DSCAM: variants seen among roughly 807,000 people sequenced by gnomAD.
The protein encoded by DSCAM is DS cell adhesion molecule, also known as cell adhesion molecule DSCAM.
A neutral mutation model predicts 217.7 loss-of-function variants in DSCAM; 47 were observed. The observed-to-expected ratio is 0.22, with a 90% CI of 0.17 to 0.28. DSCAM has a LOEUF of 0.28. DSCAM is among the 10% of genes least tolerant of loss of function. The pLI is 1.00. For missense variants in DSCAM, 2,080 were observed against 2,618.3 expected (o/e 0.79, Z 4.49); for synonymous variants, 1,056 against 1,015.3 (o/e 1.04, Z -0.76).
chr21:40,093,758 G>A lies in DSCAM; in HGVS notation c.3813C>T (p.Asn1271=), dbSNP rs2089640558. The stretch of plus-strand genomic sequence containing the variant: ...GCTCGACTGTGATGATTTCACTGCT[G>A]TTGCCTCTTCCGGCTGAAGTAACAG... ...VVAVTSAGRG[N]SSEIITVEPL... Residue 1271 remains asparagine, a synonymous_variant, in exon 21 of 33, where the codon AAC becomes AAT. Coordinates refer to ENST00000400454, the MANE Select transcript of DSCAM (RefSeq NM_001389.5). The A allele has an allele frequency of 1.2e-6, 2 of 1,613,886 alleles. No individual in the cohort carries two copies. The highest frequency in any genetic ancestry group is 1.7e-6 in the Non-Finnish European group (2 of 1,179,954).
intron 3 of DSCAM, chr21:40,383,655 A>G (rs1202828077): frequency 6.6e-6 from 1 of 152,110 alleles, no homozygotes; most frequent in Non-Finnish European, 1.5e-5. Flanking sequence ...TTTTTAGACA[A>G]AGGAAAAGTA....
intron 11 of DSCAM, among the ~76,000 whole-genome samples, chr21:40,226,872 T>C (rs968545858): frequency 6.6e-6 from 1 of 152,196 alleles, no homozygotes; most frequent in African/African-American, 2.4e-5. Flanking sequence ...TACCCGTTAG[T>C]TACTTTTCCT....
In DSCAM at chr21:40,689,920, G is replaced by A. The variant is rs931192127; in HGVS notation, c.508+2890C>T. 3.3e-5 allele frequency among the ~76,000 whole-genome samples: 5 copies of A among 152,182 alleles called. 1 individual carries two copies. The highest frequency in any genetic ancestry group is 4.4e-5 in the Non-Finnish European group (3 of 68,032). ...TGGGACTTCTGTGCTATGCAAGGTC[G>A]TTCCCTGAAGCCAAGAATCCCAGTG... On this transcript the variant is annotated intron_variant, in intron 3 of 32. Coordinates refer to ENST00000400454, the MANE Select transcript of DSCAM (RefSeq NM_001389.5).
chr21:40,495,182 C>T (rs1002287937), intron 3 of DSCAM, among the ~76,000 whole-genome samples: 11 of 152,046 alleles, frequency 7.2e-5, no homozygotes, highest in African/African-American at 2.4e-4. Flanking sequence ...TAATCTTCCC[C>T]AAATTATTTT....
intron 3 of DSCAM, among the ~76,000 whole-genome samples, chr21:40,526,524 G>A (rs1369933589): frequency 3.3e-5 from 5 of 152,148 alleles, no homozygotes; most frequent in African/African-American, 1.2e-4. Context: ...TAGAAGACAA[G>A]GACATCTGCC....
intron 15 of DSCAM, among the ~76,000 whole-genome samples, chr21:40,175,776 C>CACAA (rs2090718495): frequency 2.4e-5 from 1 of 41,674 alleles, no homozygotes; most frequent in Non-Finnish European, 4.5e-5. Flanking sequence ...TCTCAACACA[C>CACAA]ACATACACAC....
intron 3 of DSCAM, among the ~76,000 whole-genome samples, chr21:40,515,755 G>A (rs143485505): frequency 4.1e-4 from 62 of 152,182 alleles, no homozygotes; most frequent in Non-Finnish European, 7.4e-4. Flanking sequence ...CAGCGCACTC[G>A]TAGGCAATGT....
At chr21:40,053,894 G>T (rs548588581) in intron 29 of DSCAM, among the ~76,000 whole-genome samples, 1 of 152,310 alleles carries the variant, frequency 6.6e-6, no homozygotes, top group Non-Finnish European at 1.5e-5. Flanking sequence ...TAGGATTATT[G>T]TCTAGTGAGA....
At chr21:40,516,722 G>A (rs1381487527) in intron 3 of DSCAM, among the ~76,000 whole-genome samples, 2 of 152,120 alleles carry the variant, frequency 1.3e-5, no homozygotes, top group East Asian at 3.9e-4. Context: ...ACAAGTGCCA[G>A]GGAGAACATT....
At chr21:40,381,000 C>T (rs922161813) in intron 3 of DSCAM, among the ~76,000 whole-genome samples, 33 of 141,174 alleles carry the variant, frequency 2.3e-4, no homozygotes, top group African/African-American at 3.6e-4. Flanking sequence ...GAGGCGGAGC[C>T]TGCAGTGAGC....
chr21:40,481,728 AAAC>A (rs1201867679), intron 3 of DSCAM, among the ~76,000 whole-genome samples: 1 of 152,122 alleles, frequency 6.6e-6, no homozygotes, highest in Admixed American at 6.5e-5. Context: ...TCAACTGTGG[AAAC>A]AACAAATGAT....
intron 3 of DSCAM, among the ~76,000 whole-genome samples, chr21:40,471,968 G>A (rs59270837): frequency 0.025 from 3,784 of 152,024 alleles, 71 homozygotes; most frequent in Middle Eastern, 0.031. Context: ...AACAGGCCCC[G>A]GTGTGTGATG....
intron 32 of DSCAM, among the ~76,000 whole-genome samples, chr21:40,018,001 C>T (rs2088194968): frequency 6.7e-6 from 1 of 148,220 alleles, no homozygotes; most frequent in South Asian, 2.2e-4. Flanking sequence ...TCAGGAATCT[C>T]TTGCCATATA....
At chr21:40,613,061 G>A (rs1017780833) in intron 3 of DSCAM, among the ~76,000 whole-genome samples, 8 of 152,178 alleles carry the variant, frequency 5.3e-5, no homozygotes, top group African/African-American at 7.2e-5. Context: ...CAGATGGTGT[G>A]TAGTATGTGA....
chr21:40,802,805 C>A (rs563781776), intron 1 of DSCAM, among the ~76,000 whole-genome samples: 1 of 152,348 alleles, frequency 6.6e-6, no homozygotes, highest in Admixed American at 6.5e-5. Context: ...TGACCTTGGA[C>A]TTGTTAGCCT....
At chr21:40,111,383 C>A (rs1025686304) in intron 20 of DSCAM, among the ~76,000 whole-genome samples, 2 of 151,816 alleles carry the variant, frequency 1.3e-5, no homozygotes, top group African/African-American at 2.4e-5. Context: ...TTTGTCACCA[C>A]CAGGCCGGCC....
At chr21:40,355,153 T>G (rs971164931) in intron 4 of DSCAM, among the ~76,000 whole-genome samples, 1 of 152,008 alleles carries the variant, frequency 6.6e-6, no homozygotes, top group African/African-American at 2.4e-5. Flanking sequence ...TAAGTGTAGT[T>G]AAAGAAAGAA....
intron 16 of DSCAM, among the ~76,000 whole-genome samples, chr21:40,158,367 C>T (rs963488298): frequency 2.0e-5 from 3 of 151,864 alleles, no homozygotes; most frequent in Non-Finnish European, 4.4e-5. Flanking sequence ...TGCATTCAGC[C>T]TGGGTGGTAG....
At chr21:40,071,808 C>T (rs764603081) in intron 27 of DSCAM, among the ~76,000 whole-genome samples, 37 of 152,194 alleles carry the variant, frequency 2.4e-4, no homozygotes, top group Non-Finnish European at 1.6e-4. Flanking sequence ...TTGGGTGATT[C>T]GACTAATGCA....
Sources: allele counts gnomAD v4.1 joint callset (sites outside exome capture counted in the v4.1 genomes callset), GRCh38; gene constraint gnomAD v4.1.1; transcripts MANE v1.5; gene names NCBI Gene and HGNC (gene_info 2026-07-23, HGNC 2026-07-21).